The following TMPRSS3 variants were observed in gnomAD, a reference collection of about 807,000 sequenced individuals.
TMPRSS3 encodes the protein transmembrane serine protease 3.
Under a neutral mutation model 59.6 loss-of-function variants are expected in TMPRSS3, and 55 were observed. That is an observed-to-expected ratio of 0.92 (90% CI 0.74 to 1.16). The LOEUF is 1.16. Among genes scored for constraint, TMPRSS3 ranks in the 50% most tolerant of loss-of-function variants. The pLI, the probability that TMPRSS3 is intolerant of heterozygous loss-of-function variation, is 0.00. For synonymous variants in TMPRSS3, 257 were observed against 237.7 expected (o/e 1.08, Z -0.75); for missense variants, 596 against 579.4 (o/e 1.03, Z -0.29).
Position 42,372,529 on chromosome 21 carries a change from C to A in TMPRSS3, c.*233G>T. 1 of 663,568 alleles carries A rather than the reference C, an allele frequency of 1.5e-6. No individual in the cohort carries two copies. The highest frequency in any genetic ancestry group is 2.8e-6 in the Non-Finnish European group (1 of 360,888). 41.1% of individuals were successfully genotyped at this position (663,568 alleles called of 1,614,324 possible). ...GAGCAGGGATTTCGCCACTGCACTCCAGCCTGGGCAACAGAGCGAGACTCC... is the reference window on the plus strand; with the variant it reads ...GAGCAGGGATTTCGCCACTGCACTCAAGCCTGGGCAACAGAGCGAGACTCC... On this transcript the variant is annotated 3_prime_UTR_variant, in exon 13 of 13. Transcript: ENST00000644384.
At chr21:42,391,193 T>C (rs1455566627) in intron 2 of TMPRSS3, among the ~76,000 whole-genome samples, 2 of 152,064 alleles carry the variant, frequency 1.3e-5, no homozygotes, top group African/African-American at 2.4e-5. Context: ...GGACAAGATG[T>C]TGATTTTTGT....
chr21:42,372,628 G>A lies in TMPRSS3; in HGVS notation c.*134C>T, dbSNP rs755304820. 5 of 902,006 alleles carry A rather than the reference G, an allele frequency of 5.5e-6. No homozygotes were observed. The highest frequency in any genetic ancestry group is 4.9e-5 in the African/African-American group (3 of 61,398). The allele number at this position is 902,006 out of a possible 1,614,324, so 55.9% of individuals were successfully genotyped here. On this transcript the variant is annotated 3_prime_UTR_variant, in exon 13 of 13. Transcript: ENST00000644384. ...TCAGATGGAAGGGTGCCTCTTTCGG[G>A]CCTGCTACTGGTGCCGGAACTCAGA...
Position 42,383,951 on chromosome 21 carries a change from G to A in TMPRSS3, c.616+19C>T. 2 of 1,613,904 alleles carry A rather than the reference G, an allele frequency of 1.2e-6. No individual in the cohort carries two copies. The highest frequency in any genetic ancestry group is 1.7e-6 in the Non-Finnish European group (2 of 1,179,840). On this transcript the variant is annotated intron_variant, in intron 7 of 12. Coordinates refer to ENST00000644384, the MANE Select transcript of TMPRSS3 (RefSeq NM_001256317.3). ...ATGTGCTTGCTCCCCCTGGACCCCT[G>A]CCTTTCTGGAACTCTTACCTGTGCA...
At position 42,375,897 on chromosome 21, in the gene TMPRSS3, G is replaced by T. The variant is rs374838802; in HGVS notation, c.1192-29C>A. 23 of 1,612,500 alleles carry T rather than the reference G, an allele frequency of 1.4e-5. No homozygotes were observed. The African/African-American group carries it at 2.4e-4, about 17-fold the overall frequency. ...GGTGACAGGAAAGAAGCAAAGATTG[G>T]GGGACAGTCACCGCCATGCGAGATT... On this transcript the variant is annotated intron_variant, in intron 11 of 12. Coordinates refer to ENST00000644384, the MANE Select transcript of TMPRSS3 (RefSeq NM_001256317.3).
chr21:42,390,039 T>C lies in TMPRSS3; in HGVS notation c.95-2A>G, dbSNP rs777100179. On this transcript the variant is annotated splice_acceptor_variant, in intron 2 of 12. Transcript: ENST00000644384. LOFTEE classifies it high-confidence loss of function. The stretch of plus-strand genomic sequence containing the variant: ...TCTGTGCAGCAACAGCATCTGCATC[T>C]GAAAACCAGAAAAAGGAAGAGCAGA... 1.9e-6 allele frequency: 3 copies of C among 1,612,070 alleles called. No individual in the cohort carries two copies. The South Asian group carries it at 3.3e-5, about 18-fold the overall frequency.
In TMPRSS3 at chr21:42,383,182, C is replaced by T; in HGVS notation, c.633G>A (p.Arg211=). ...TLQCTACGHR[R]GYSSRIVGGN... The stretch of plus-strand genomic sequence containing the variant: ...CACCCACGATGCGTGAGCTGTAGCC[C>T]CTTCTATGACCACAGGCTATGGAGG... Residue 211 remains arginine, a synonymous_variant, in exon 8 of 13, where the codon AGG becomes AGA. Coordinates refer to ENST00000644384, the MANE Select transcript of TMPRSS3 (RefSeq NM_001256317.3). 6.2e-7 allele frequency: 1 copy of T among 1,613,334 alleles called. No individual in the cohort carries two copies. The highest frequency in any genetic ancestry group is 8.5e-7 in the Non-Finnish European group (1 of 1,179,928).
rs1279753841 is a variant in TMPRSS3 at position 42,372,919 on chromosome 21, C to G, written c.1345-140G>C. The G allele has an allele frequency of 3.1e-6, 3 of 961,530 alleles. No homozygotes were observed. The East Asian group carries it at 7.7e-5, about 25-fold the overall frequency. 59.6% of individuals were successfully genotyped at this position (961,530 alleles called of 1,614,324 possible). On this transcript the variant is annotated intron_variant, in intron 12 of 12. Transcript: ENST00000644384. ...CGATGAAGACAAGGTTGGCCTCCCCCTGGGGCTGCCAGCTCTGAGTGGATC... is the reference window on the plus strand; with the variant it reads ...CGATGAAGACAAGGTTGGCCTCCCCGTGGGGCTGCCAGCTCTGAGTGGATC...
intron 2 of TMPRSS3, among the ~76,000 whole-genome samples, chr21:42,392,685 C>T (rs992265221): frequency 1.3e-5 from 2 of 152,186 alleles, no homozygotes; most frequent in South Asian, 2.1e-4. Flanking sequence ...CCTCACACCT[C>T]GATCCCCCGC....
Position 42,388,442 on chromosome 21 carries a change from T to C in TMPRSS3, c.407A>G (p.His136Arg), listed in dbSNP as rs1247000237. 2.5e-6 allele frequency: 4 copies of C among 1,614,148 alleles called. No homozygotes were observed. Among genetic ancestry groups the C allele is most frequent in the Non-Finnish European group, 3.4e-6 (4 of 1,180,054 alleles). ...TTGGGCACAGGCAACATTTGCGTAG[T>C]GACCCTTCCAGTCATCGGAGCACAT... ...KTMCSDDWKGHYANVACAQLG... is the reference protein window; with the variant it reads ...KTMCSDDWKGRYANVACAQLG... Residue 136 changes from histidine (H) to arginine (R), a missense_variant, in exon 5 of 13, where the codon CAC becomes CGC. Physicochemically the swap from His to Arg is conservative, Grantham distance 29. Coordinates refer to ENST00000644384, the MANE Select transcript of TMPRSS3 (RefSeq NM_001256317.3). This position sits in a 1 kb window ranked among gnomAD's most constrained non-coding sequence, Gnocchi z 5.1.
In TMPRSS3 at chr21:42,389,234, T is replaced by C. The variant is rs1311666358; in HGVS notation, c.206-189A>G. 13 of 1,166,030 alleles carry C rather than the reference T, an allele frequency of 1.1e-5. No homozygotes were observed. In the African/African-American group the frequency reaches 1.8e-4, roughly 16 times the overall value. The allele number at this position is 1,166,030 out of a possible 1,614,324, so 72.2% of individuals were successfully genotyped here. A position where few individuals can be genotyped will look rare whatever the true frequency, so the allele number is the denominator to read the frequency against. ...TTTGAATTCCAAGGGGTGGGGCTGCTGTGCCCCACTTTATCTCGCTATGTG... is the reference window on the plus strand; with the variant it reads ...TTTGAATTCCAAGGGGTGGGGCTGCCGTGCCCCACTTTATCTCGCTATGTG... On this transcript the variant is annotated intron_variant, in intron 3 of 12. Transcript: ENST00000644384.
intron 12 of TMPRSS3, 86 bp downstream of exon 12, chr21:42,375,630 T>G: frequency 6.4e-7 from 1 of 1,574,344 alleles, no homozygotes; most frequent in South Asian, 1.1e-5. Context: ...ACGCCCTGGT[T>G]TTTATAGCAA....
intron 5 of TMPRSS3, among the ~76,000 whole-genome samples, chr21:42,386,541 G>C (rs568538585): frequency 2.6e-5 from 4 of 152,310 alleles, no homozygotes; most frequent in East Asian, 1.9e-4. Flanking sequence ...CCCATGAACT[G>C]TCCAAGTCTC....
At position 42,392,876 on chromosome 21, in the gene TMPRSS3, G is replaced by T. The variant is rs992133802; in HGVS notation, c.94+2448C>A. ...TAATCGAAAGGCTGTGTCAGTTCCC[G>T]TTTGCCCTGCTTCTCTGTCAGGCTG... On this transcript the variant is annotated intron_variant, in intron 2 of 12. Transcript: ENST00000644384. Among the ~76,000 whole-genome samples, 12 of 152,318 alleles carry T rather than the reference G, an allele frequency of 7.9e-5. 1 individual carries two copies. In the East Asian group the frequency reaches 1.9e-3, roughly 24 times the overall value.
intron 5 of TMPRSS3, among the ~76,000 whole-genome samples, chr21:42,386,182 G>A (rs774971739): frequency 2.6e-5 from 4 of 152,222 alleles, no homozygotes; most frequent in Non-Finnish European, 5.9e-5. Context: ...CAAGATGGAA[G>A]ATGGTGAATA....
chr21:42,384,075 TA>T, intron 6 of TMPRSS3, 62 bp from the exon 7 acceptor site: 1 of 1,522,128 alleles, frequency 6.6e-7, no homozygotes, highest in Non-Finnish European at 9.1e-7. Context: ...GGAACACTCT[TA>T]AAAACTCAAT....
chr21:42,389,515 A>G (rs911150579), intron 3 of TMPRSS3, among the ~76,000 whole-genome samples: 1 of 152,122 alleles, frequency 6.6e-6, no homozygotes, highest in Admixed American at 6.5e-5. Flanking sequence ...CCTATTAGAG[A>G]CCCTCCATCC....
At chr21:42,382,939 C>T (rs1185018791) in intron 8 of TMPRSS3, 94 bp downstream of exon 8, 24 of 1,476,694 alleles carry the variant, frequency 1.6e-5, no homozygotes, top group Admixed American at 1.2e-4. Context: ...TCTCTGTCTT[C>T]CCTCTGGACC....
chr21:42,373,738 T>G (rs568313037), intron 12 of TMPRSS3, among the ~76,000 whole-genome samples: 5 of 152,328 alleles, frequency 3.3e-5, no homozygotes, highest in East Asian at 1.9e-4. Flanking sequence ...GGGGGCCTCA[T>G]GCAGGTCGTC....
intron 10 of TMPRSS3, among the ~76,000 whole-genome samples, chr21:42,378,652 C>T (rs1568879507): frequency 6.6e-6 from 1 of 152,154 alleles, no homozygotes; most frequent in Non-Finnish European, 1.5e-5. Flanking sequence ...GGGGTCAGAG[C>T]CTCCAGGAAA....
Sources: allele counts gnomAD v4.1 joint callset (sites outside exome capture counted in the v4.1 genomes callset), GRCh38; gene constraint gnomAD v4.1.1; non-coding constraint Gnocchi (gnomAD v3.1); transcripts MANE v1.5; gene names NCBI Gene and HGNC (gene_info 2026-07-23, HGNC 2026-07-21).